SPECC1L: variants seen among roughly 807,000 people sequenced by gnomAD.
The protein encoded by SPECC1L is sperm antigen with calponin homology and coiled-coil domains 1 like.
A neutral mutation model predicts 116.8 loss-of-function variants in SPECC1L; 40 were observed. The observed-to-expected ratio is 0.34, with a 90% CI of 0.27 to 0.45. SPECC1L has a LOEUF of 0.45. SPECC1L is among the 20% of genes least tolerant of loss of function. The probability of loss-of-function intolerance (pLI) is 1.00; values close to 1 mark genes in which losing one functional copy is unlikely to be tolerated. For missense variants in SPECC1L, 1,110 were observed against 1,373.6 expected, an observed-to-expected ratio of 0.81 and a Z score of 3.03; for synonymous variants, 504 against 500.6, an observed-to-expected ratio of 1.01 and a Z score of -0.09.
chr22:24,321,260 C>T (rs1420555720), intron 4 of SPECC1L, 28 bp from the exon 5 acceptor site: 4 of 1,611,220 alleles, frequency 2.5e-6, no homozygotes, highest in Non-Finnish European at 3.4e-6. Context: ...GACATTTTTG[C>T]CTTACATTTT....
At chr22:24,364,049 C>T (rs952024920) in intron 12 of SPECC1L, among the ~76,000 whole-genome samples, 2 of 152,182 alleles carry the variant, frequency 1.3e-5, no homozygotes, top group Admixed American at 6.5e-5. Flanking sequence ...TGCAGATCCA[C>T]CTTCTTCTGA....
At chr22:24,365,230 A>G (rs903464678) in intron 12 of SPECC1L, among the ~76,000 whole-genome samples, 8 of 151,858 alleles carry the variant, frequency 5.3e-5, no homozygotes, top group African/African-American at 1.9e-4. Flanking sequence ...CTGGTCTGGA[A>G]CTCCTGACCT....
intron 14 of SPECC1L, among the ~76,000 whole-genome samples, chr22:24,402,092 G>A (rs539709569): frequency 5.4e-5 from 5 of 92,132 alleles, no homozygotes; most frequent in African/African-American, 1.1e-4. Flanking sequence ...CCCTGAAAAT[G>A]TACTGCTTCC....
rs1032994013 is a variant in SPECC1L, at chr22:24,321,460, A to G, written c.480A>G (p.Thr160=). ...LAKRSRSRTA[T]ECDVRMSKSK... ...AACGTTCCCGCAGTCGAACTGCTAC[A>G]GAATGTGACGTTCGTATGAGCAAGT... Residue 160 remains threonine (T), a synonymous_variant, in exon 5 of 17, where the codon ACA becomes ACG. Transcript: ENST00000314328. 4 of 1,614,188 alleles carry G rather than the reference A, an allele frequency of 2.5e-6. No homozygotes were observed. The African/African-American group carries it at 4.0e-5, about 16-fold the overall frequency.
chr22:24,324,475 A>G (rs777903202), intron 6 of SPECC1L, 48 bp downstream of exon 6: 39 of 1,508,416 alleles, frequency 2.6e-5, no homozygotes, highest in Non-Finnish European at 3.2e-5. Flanking sequence ...TCTTTTAAAC[A>G]TGCGGGGATA....
chr22:24,412,824 C>A, intron 16 of SPECC1L, 117 bp downstream of exon 16: 1 of 1,130,794 alleles, frequency 8.8e-7, no homozygotes. Flanking sequence ...TGGTAAAAGG[C>A]AGCTATGGGG....
chr22:24,363,381 G>T, intron 12 of SPECC1L, 37 bp downstream of exon 12: 1 of 1,555,782 alleles, frequency 6.4e-7, no homozygotes, highest in East Asian at 2.2e-5. Context: ...TGTATTTGTT[G>T]TTTTTTAGAG....
intron 4 of SPECC1L, among the ~76,000 whole-genome samples, chr22:24,314,079 C>G (rs894752950): frequency 2.0e-5 from 3 of 151,342 alleles, no homozygotes; most frequent in African/African-American, 7.3e-5. Flanking sequence ...GAGTTTCGCT[C>G]TGTCACCCAG....
At chr22:24,334,663 CT>C in intron 9 of SPECC1L, 90 bp downstream of exon 9, 1 of 1,411,658 alleles carries the variant, frequency 7.1e-7, no homozygotes, top group South Asian at 1.2e-5. Context: ...TCTTTACTGT[CT>C]TACTCTTAGT....
At chr22:24,297,362 T>C (rs541287068) in intron 2 of SPECC1L, among the ~76,000 whole-genome samples, 1 of 152,104 alleles carries the variant, frequency 6.6e-6, no homozygotes, top group Non-Finnish European at 1.5e-5. Context: ...TTTCAGGAAA[T>C]GGAATTAGTC....
At position 24,302,339 on chromosome 22, in the gene SPECC1L, G is replaced by A. The variant is rs201140927; in HGVS notation, c.108G>A (p.Thr36=). 2.2e-5 allele frequency: 35 copies of A among 1,613,990 alleles called. No individual in the cohort carries two copies. The highest frequency in any genetic ancestry group is 2.7e-5 in the Non-Finnish European group (32 of 1,180,036). The change falls in exon 3 of 17, where the codon ACG becomes ACA. Residue 36 remains threonine (T), a synonymous_variant. Transcript: ENST00000314328. The stretch of plus-strand genomic sequence containing the variant: ...CTGAAAACAGCTCTTCAGCATCTAC[G>A]GGAGGCAAACTTGTAAAACCTGGAA... ...IKPENSSSAS[T]GGKLVKPGTA... is the part of the protein sequence containing the mutation.
intron 11 of SPECC1L, among the ~76,000 whole-genome samples, chr22:24,353,525 C>T (rs1483138148): frequency 6.6e-6 from 1 of 152,102 alleles, no homozygotes; most frequent in Admixed American, 6.6e-5. Flanking sequence ...ATGCTTTAGC[C>T]TCCCGAGTAG....
intron 14 of SPECC1L, among the ~76,000 whole-genome samples, chr22:24,404,804 G>T (rs1312298932): frequency 2.0e-5 from 3 of 152,158 alleles, no homozygotes; most frequent in Admixed American, 6.5e-5. Flanking sequence ...CCCAGGTGAG[G>T]ACTCGCTGAG....
intron 4 of SPECC1L, among the ~76,000 whole-genome samples, chr22:24,315,743 A>T (rs1243170605): frequency 6.6e-6 from 1 of 152,246 alleles, no homozygotes; most frequent in Admixed American, 6.5e-5. Context: ...GTCATAACAA[A>T]ATACCACAGA....
chr22:24,321,166 G>A lies in SPECC1L; in HGVS notation c.308-122G>A, dbSNP rs970282009. On this transcript the variant is annotated intron_variant, in intron 4 of 16. Coordinates refer to ENST00000314328, the MANE Select transcript of SPECC1L (RefSeq NM_015330.6). ...CAGACTCTAAGGCAAGATTATTGTA[G>A]ATCTAAATCATTGTGTAGATCCTGG... is the stretch of plus-strand genomic sequence containing the variant. The A allele has an allele frequency of 1.2e-5, 13 of 1,107,102 alleles. No individual in the cohort carries two copies. In the Admixed American group the frequency reaches 2.3e-4, roughly 19 times the overall value. 68.6% of individuals were successfully genotyped at this position (1,107,102 alleles called of 1,614,324 possible). A position where few individuals can be genotyped will look rare whatever the true frequency, so the allele number is the denominator to read the frequency against.
intron 2 of SPECC1L, among the ~76,000 whole-genome samples, chr22:24,301,482 A>G (rs1279685342): frequency 1.3e-5 from 2 of 152,186 alleles, no homozygotes; most frequent in Admixed American, 6.5e-5. Flanking sequence ...AGCCTAACCT[A>G]CCTTAAACAT....
chr22:24,289,385 G>A (rs1050218934), intron 2 of SPECC1L, among the ~76,000 whole-genome samples: 2 of 152,202 alleles, frequency 1.3e-5, no homozygotes, highest in Non-Finnish European at 2.9e-5. Context: ...GTAGTTTAAC[G>A]TCCTTTCCAG....
chr22:24,339,539 G>A (rs994572295), intron 10 of SPECC1L, among the ~76,000 whole-genome samples: 6 of 152,208 alleles, frequency 3.9e-5, no homozygotes, highest in Non-Finnish European at 8.8e-5. Flanking sequence ...TTATTCAGCC[G>A]CTTTTGGACA....
At chr22:24,404,668 T>C (rs1322134261) in intron 14 of SPECC1L, among the ~76,000 whole-genome samples, 3 of 151,942 alleles carry the variant, frequency 2.0e-5, no homozygotes, top group Non-Finnish European at 2.9e-5. Flanking sequence ...CTGACTGCCC[T>C]CCCCCTGCTC....
Sources: allele counts gnomAD v4.1 joint callset (sites outside exome capture counted in the v4.1 genomes callset), GRCh38; gene constraint gnomAD v4.1.1; transcripts MANE v1.5; gene names NCBI Gene and HGNC (gene_info 2026-07-23, HGNC 2026-07-21).